Variants in PDE4B observed in about 807,000 individuals in gnomAD.
The protein encoded by PDE4B is 3',5'-cyclic-AMP phosphodiesterase 4B.
PDE4B carries 20 observed loss-of-function variants against 82.2 expected under a neutral mutation model. The ratio of observed to expected loss-of-function variants is 0.24; its 90% CI spans 0.17 to 0.35. The LOEUF (loss-of-function observed/expected upper bound fraction) is 0.35. Ranked by LOEUF, PDE4B falls within the 10% of genes least tolerant of loss-of-function variation. PDE4B has a pLI of 1.00. For synonymous variants in PDE4B, 320 were observed against 318.9 expected (o/e 1.00, Z -0.04); for missense variants, 655 against 907.2 (o/e 0.72, Z 3.57).
At chr1:66,043,986 T>C (rs1654539111) in intron 3 of PDE4B, among the ~76,000 whole-genome samples, 1 of 151,708 alleles carries the variant, frequency 6.6e-6, no homozygotes. Flanking sequence ...CACTTGGTTA[T>C]GGGAGGACAT....
intron 3 of PDE4B, among the ~76,000 whole-genome samples, chr1:66,135,016 G>C (rs993776887): frequency 6.6e-6 from 1 of 152,318 alleles, no homozygotes; most frequent in Non-Finnish European, 1.5e-5. Context: ...TGATTCCTGG[G>C]TTGAGTCTTA....
At chr1:65,823,543 A>G (rs1277367460) in intron 1 of PDE4B, among the ~76,000 whole-genome samples, 3 of 151,396 alleles carry the variant, frequency 2.0e-5, no homozygotes, top group Admixed American at 6.6e-5. Flanking sequence ...TTGCCATGTT[A>G]TAACGTCTCA....
chr1:65,876,746 A>T (rs1232560770), intron 1 of PDE4B, among the ~76,000 whole-genome samples: 2 of 152,154 alleles, frequency 1.3e-5, no homozygotes, highest in Non-Finnish European at 2.9e-5. Flanking sequence ...TGGTTGGAAA[A>T]TATAGCCTGA....
At chr1:66,015,591 G>GAAA (rs149939038) in intron 3 of PDE4B, among the ~76,000 whole-genome samples, 11 of 145,518 alleles carry the variant, frequency 7.6e-5, no homozygotes, top group African/African-American at 2.8e-4. Context: ...ATTTCCACAA[G>GAAA]AAAAAAAAAA....
intron 3 of PDE4B, among the ~76,000 whole-genome samples, chr1:65,919,721 C>A (rs573419897): frequency 3.6e-4 from 55 of 151,184 alleles, no homozygotes; most frequent in African/African-American, 1.3e-3. Context: ...TATTAAAAAT[C>A]TATTATTTTT....
chr1:66,278,255 G>C (rs1428355112), intron 7 of PDE4B, among the ~76,000 whole-genome samples: 1 of 152,172 alleles, frequency 6.6e-6, no homozygotes, highest in Non-Finnish European at 1.5e-5. Flanking sequence ...CTTGAAACTG[G>C]GGTATATTCT....
At chr1:65,988,192 T>G (rs1239599150) in intron 3 of PDE4B, among the ~76,000 whole-genome samples, 1 of 152,254 alleles carries the variant, frequency 6.6e-6, no homozygotes, top group African/African-American at 2.4e-5. Flanking sequence ...GCAAAAAATG[T>G]AAGTTACATC....
chr1:66,271,224 C>G (rs555663774), intron 7 of PDE4B, among the ~76,000 whole-genome samples: 32 of 152,342 alleles, frequency 2.1e-4, no homozygotes, highest in African/African-American at 7.0e-4. Context: ...ATGGTTATTT[C>G]ACTAGTTCAA....
chr1:66,271,184 GAT>G (rs1655447066), intron 7 of PDE4B, among the ~76,000 whole-genome samples: 1 of 152,340 alleles, frequency 6.6e-6, no homozygotes, highest in South Asian at 2.1e-4. Context: ...CCCTTAAGCA[GAT>G]ATTGTCAAAT....
chr1:65,850,930 C>A (rs1646325323), intron 1 of PDE4B, among the ~76,000 whole-genome samples: 1 of 152,112 alleles, frequency 6.6e-6, no homozygotes, highest in African/African-American at 2.4e-5. Flanking sequence ...AGTGTATTAG[C>A]TTTCACATTT....
chr1:66,232,113 T>C (rs1374581656), intron 3 of PDE4B, among the ~76,000 whole-genome samples: 1 of 152,282 alleles, frequency 6.6e-6, no homozygotes, highest in Non-Finnish European at 1.5e-5. Context: ...GCCTGGAGAC[T>C]GAGCTTTAAT....
At chr1:66,141,938 A>T (rs1457075825) in intron 3 of PDE4B, among the ~76,000 whole-genome samples, 1 of 152,080 alleles carries the variant, frequency 6.6e-6, no homozygotes, top group East Asian at 1.9e-4. Flanking sequence ...TATTACTTTT[A>T]TTCCCCCCAC....
At chr1:65,986,700 GAACA>G (rs1391620340) in intron 3 of PDE4B, among the ~76,000 whole-genome samples, 1 of 152,106 alleles carries the variant, frequency 6.6e-6, no homozygotes, top group Non-Finnish European at 1.5e-5. Flanking sequence ...TTACAGGATC[GAACA>G]AACAAAGCTC....
chr1:65,870,887 G>T (rs1646565319), intron 1 of PDE4B, among the ~76,000 whole-genome samples: 1 of 152,144 alleles, frequency 6.6e-6, no homozygotes, highest in South Asian at 2.1e-4. Flanking sequence ...TAATTTTAAT[G>T]GTCTAAAAGC....
chr1:66,085,119 C>T (rs919561694), intron 3 of PDE4B, among the ~76,000 whole-genome samples: 5 of 151,838 alleles, frequency 3.3e-5, no homozygotes, highest in African/African-American at 1.2e-4. Flanking sequence ...AGAACGGAAT[C>T]GCCTGGGGAT....
At chr1:65,870,525 A>AT (rs1646561007) in intron 1 of PDE4B, among the ~76,000 whole-genome samples, 1 of 152,124 alleles carries the variant, frequency 6.6e-6, no homozygotes, top group Non-Finnish European at 1.5e-5. Flanking sequence ...TAAAAATGAG[A>AT]TAAAAACAAA....
At chr1:65,818,703 T>TATATATATATAA (rs1191617809) in intron 1 of PDE4B, among the ~76,000 whole-genome samples, 1 of 148,832 alleles carries the variant, frequency 6.7e-6, no homozygotes, top group Non-Finnish European at 1.5e-5. Context: ...TATATATATA[T>TATATATATATAA]AAAATAACAA....
chr1:66,085,952 G>T (rs976807446), intron 3 of PDE4B, among the ~76,000 whole-genome samples: 7 of 152,088 alleles, frequency 4.6e-5, no homozygotes, highest in Non-Finnish European at 1.0e-4. Flanking sequence ...TTAAAATGGA[G>T]AAAGAAAAGA....
At position 65,814,435 on chromosome 1, in the gene PDE4B, CT is replaced by C. The variant is rs201803634; in HGVS notation, c.-71+21195del. On this transcript the variant is annotated intron_variant, in intron 1 of 16. Coordinates refer to ENST00000341517, the MANE Select transcript of PDE4B (RefSeq NM_002600.4). ...ATTATTTTGTGCACCTTCTGTAATG[CT>C]TTTTTTTAAAAGAAACTTTATTGAG... 4.6e-5 allele frequency among the ~76,000 whole-genome samples: 7 copies of C among 151,676 alleles called. No homozygotes were observed. In the South Asian group the frequency reaches 8.4e-4, roughly 18 times the overall value.
Sources: gnomAD v4.1 joint callset for allele counts (sites outside exome capture counted in the v4.1 genomes callset) on GRCh38, gnomAD v4.1.1 for gene constraint, MANE v1.5 for transcripts, NCBI Gene and HGNC (gene_info 2026-07-23, HGNC 2026-07-21) for gene names.